ADAMTS18: variants seen among roughly 807,000 people sequenced by gnomAD.
ADAMTS18 encodes the protein ADAM metallopeptidase with thrombospondin type 1 motif 18, also known as A disintegrin and metalloproteinase with thrombospondin motifs 18.
ADAMTS18 carries 157 observed loss-of-function variants against 165.9 expected under a neutral mutation model. That is an observed-to-expected ratio of 0.95 (90% CI 0.83 to 1.08). ADAMTS18 has a LOEUF of 1.08. ADAMTS18 is among the 50% of genes least tolerant of loss of function. The probability of loss-of-function intolerance (pLI) is 0.00; values close to 1 mark genes in which losing one functional copy is unlikely to be tolerated. For synonymous variants in ADAMTS18, 782 were observed against 578.2 expected (o/e 1.35, Z -5.06); for missense variants, 2,040 against 1,534.0 (o/e 1.33, Z -5.51).
intron 10 of ADAMTS18, among the ~76,000 whole-genome samples, chr16:77,344,863 C>A (rs2056452681): frequency 6.6e-6 from 1 of 152,122 alleles, no homozygotes; most frequent in African/African-American, 2.4e-5. Context: ...CTCTGACGAC[C>A]ATGAAAGCCC....
At chr16:77,389,744 G>A (rs529563145) in intron 3 of ADAMTS18, among the ~76,000 whole-genome samples, 1 of 152,330 alleles carries the variant, frequency 6.6e-6, no homozygotes, top group South Asian at 2.1e-4. Context: ...AAGAGAGAAT[G>A]GGGGAAGGAA....
intron 3 of ADAMTS18, among the ~76,000 whole-genome samples, chr16:77,385,814 T>C (rs1597208644): frequency 6.6e-6 from 1 of 152,288 alleles, no homozygotes; most frequent in East Asian, 1.9e-4. Context: ...GTCCCAATTT[T>C]TTCTCAGTTA....
rs1160079175 is a variant in ADAMTS18, at chr16:77,341,713, G to A, written c.1701C>T (p.Gly567=). 2 of 1,613,086 alleles carry A rather than the reference G, an allele frequency of 1.2e-6. No individual in the cohort carries two copies. The highest frequency in any genetic ancestry group is 2.2e-5 in the East Asian group (1 of 44,834). The change falls in exon 11 of 23, where the codon GGC becomes GGT. Residue 567 remains glycine (G), a synonymous_variant. Transcript: ENST00000282849. ...CAAGTATGCAGTTTACCATACTCAA[G>A]CCACAAACGGTCCCTTCTGCTGCGG... ...FMPAAEGTVC[G]LSMWCRQGQC...
At chr16:77,304,851 G>C (rs986976848) in intron 16 of ADAMTS18, among the ~76,000 whole-genome samples, 1 of 152,138 alleles carries the variant, frequency 6.6e-6, no homozygotes, top group African/African-American at 2.4e-5. Flanking sequence ...AGCATATAGA[G>C]CATATTGTTT....
At chr16:77,406,481 A>T (rs1476978662) in intron 3 of ADAMTS18, among the ~76,000 whole-genome samples, 1 of 152,158 alleles carries the variant, frequency 6.6e-6, no homozygotes, top group African/African-American at 2.4e-5. Flanking sequence ...GGTCCTTGAC[A>T]CTACAATAAA....
chr16:77,308,315 G>T (rs1254779846), intron 16 of ADAMTS18, among the ~76,000 whole-genome samples: 1 of 152,196 alleles, frequency 6.6e-6, no homozygotes, highest in African/African-American at 2.4e-5. Flanking sequence ...ATCAGACAGG[G>T]ATGAAGTTAC....
At chr16:77,329,348 C>G (rs2056149690) in intron 12 of ADAMTS18, among the ~76,000 whole-genome samples, 1 of 152,162 alleles carries the variant, frequency 6.6e-6, no homozygotes, top group East Asian at 1.9e-4. Flanking sequence ...AGCAATCCTT[C>G]TGCCTTGGCC....
At chr16:77,375,285 G>A (rs922007888) in intron 3 of ADAMTS18, among the ~76,000 whole-genome samples, 3 of 152,090 alleles carry the variant, frequency 2.0e-5, no homozygotes, top group East Asian at 3.8e-4. Context: ...GCCTCCCAAA[G>A]TGCTGGAATT....
chr16:77,345,816 C>G (rs2056467136), intron 10 of ADAMTS18, among the ~76,000 whole-genome samples: 1 of 152,166 alleles, frequency 6.6e-6, no homozygotes, highest in Non-Finnish European at 1.5e-5. Context: ...GGAGAGCCTT[C>G]CAAATCAACT....
chr16:77,347,937 C>G (rs2056501454), intron 10 of ADAMTS18, among the ~76,000 whole-genome samples: 1 of 151,956 alleles, frequency 6.6e-6, no homozygotes, highest in Admixed American at 6.6e-5. Flanking sequence ...AGCACATCCC[C>G]CAAAGATATG....
Position 77,350,831 on chromosome 16 carries a change from C to A in ADAMTS18, c.1614+2902G>T, listed in dbSNP as rs144829596. On this transcript the variant is annotated intron_variant, in intron 10 of 22. Coordinates refer to ENST00000282849, the MANE Select transcript of ADAMTS18 (RefSeq NM_199355.4). ...AGGTCTTGCCGATACACTGCATCTG[C>A]TGGTCTGAGAGGACACTTTGATAAT... Among the ~76,000 whole-genome samples, 1,179 of 152,204 alleles carry A rather than the reference C, an allele frequency of 7.7e-3. 16 individuals are homozygous for A. The highest frequency in any genetic ancestry group is 0.027 in the African/African-American group (1,123 of 41,520).
chr16:77,295,557 A>G (rs1411092665), intron 18 of ADAMTS18, among the ~76,000 whole-genome samples: 1 of 152,206 alleles, frequency 6.6e-6, no homozygotes, highest in Non-Finnish European at 1.5e-5. Context: ...CTTTCTGATA[A>G]GTGCTGCAAT....
At chr16:77,335,226 C>A (rs943051854) in intron 12 of ADAMTS18, among the ~76,000 whole-genome samples, 20 of 146,610 alleles carry the variant, frequency 1.4e-4, no homozygotes, top group African/African-American at 4.6e-4. Context: ...TGAAATAAGC[C>A]AAATGGAGAA....
At chr16:77,330,928 G>C (rs1481156487) in intron 12 of ADAMTS18, among the ~76,000 whole-genome samples, 1 of 152,092 alleles carries the variant, frequency 6.6e-6, no homozygotes, top group Non-Finnish European at 1.5e-5. Flanking sequence ...ACTTGAAATA[G>C]GGAGAAAAAA....
At chr16:77,375,442 G>A (rs538694205) in intron 3 of ADAMTS18, among the ~76,000 whole-genome samples, 2 of 152,210 alleles carry the variant, frequency 1.3e-5, no homozygotes, top group East Asian at 3.9e-4. Context: ...ATAATAGAAG[G>A]GGTGAGAGGA....
Position 77,321,212 on chromosome 16 carries a change from A to G in ADAMTS18, c.2164-10T>C. On this transcript the variant is annotated splice_polypyrimidine_tract_variant and intron_variant, in intron 14 of 22. Transcript: ENST00000282849. ...GATCACATCCCACTAGCTGTGACAA[A>G]AACAAAAAACGTGAGAAAATAAAAG... The G allele has an allele frequency of 2.5e-6, 4 of 1,614,122 alleles. No individual in the cohort carries two copies. The highest frequency in any genetic ancestry group is 3.3e-4 in the Middle Eastern group (2 of 6,060).
At chr16:77,373,259 G>C (rs570314548) in intron 3 of ADAMTS18, among the ~76,000 whole-genome samples, 4 of 152,174 alleles carry the variant, frequency 2.6e-5, no homozygotes, top group South Asian at 4.1e-4. Context: ...GGGAGGCTGA[G>C]GTCAGGAGAT....
intron 3 of ADAMTS18, among the ~76,000 whole-genome samples, chr16:77,421,862 A>T (rs2057607139): frequency 6.6e-6 from 1 of 152,252 alleles, no homozygotes; most frequent in Non-Finnish European, 1.5e-5. Flanking sequence ...GGAAATAAAC[A>T]TTAATCAGAA....
At chr16:77,426,572 T>C (rs1266728447) in intron 3 of ADAMTS18, among the ~76,000 whole-genome samples, 1 of 152,218 alleles carries the variant, frequency 6.6e-6, no homozygotes, top group African/African-American at 2.4e-5. Flanking sequence ...TGGTTCACAA[T>C]AAAAATAGCA....
Sources: allele counts gnomAD v4.1 joint callset (sites outside exome capture counted in the v4.1 genomes callset), GRCh38; gene constraint gnomAD v4.1.1; transcripts MANE v1.5; gene names NCBI Gene and HGNC (gene_info 2026-07-23, HGNC 2026-07-21).